Variants in DAB1 observed in about 807,000 individuals in gnomAD.
The protein encoded by DAB1 is DAB adaptor protein 1.
A neutral mutation model predicts 64.6 loss-of-function variants in DAB1; 15 were observed. The observed-to-expected ratio is 0.23, with a 90% CI of 0.16 to 0.36. The LOEUF (loss-of-function observed/expected upper bound fraction) is 0.36. Ranked by LOEUF, DAB1 falls within the 10% of genes least tolerant of loss-of-function variation. The pLI is 1.00. For missense variants in DAB1, 596 were observed against 706.7 expected (o/e 0.84, Z 1.78); for synonymous variants, 235 against 251.9 (o/e 0.93, Z 0.64).
chr1:58,009,950 A>G (rs188227006), intron 5 of DAB1, among the ~76,000 whole-genome samples: 6 of 152,312 alleles, frequency 3.9e-5, no homozygotes, highest in African/African-American at 1.4e-4. Flanking sequence ...TTTAACTTAC[A>G]TAACAACCCT....
intron 1 of DAB1, among the ~76,000 whole-genome samples, chr1:57,326,862 G>C (rs1239178329): frequency 6.6e-6 from 1 of 152,022 alleles, no homozygotes; most frequent in East Asian, 1.9e-4. Flanking sequence ...GGGGCTTAGG[G>C]CTTCAACACA....
intron 4 of DAB1, among the ~76,000 whole-genome samples, chr1:57,074,542 G>A (rs1007370475): frequency 6.6e-6 from 1 of 152,132 alleles, no homozygotes; most frequent in African/African-American, 2.4e-5. Context: ...TCCCTTGGCC[G>A]GATGCAATCT....
chr1:57,863,002 T>A (rs959359737), intron 1 of DAB1: 2 of 152,214 alleles, frequency 1.3e-5, no homozygotes, highest in Admixed American at 1.3e-4. Context: ...AGCTTTGTGA[T>A]AATTGCTAAA....
intron 1 of DAB1, among the ~76,000 whole-genome samples, chr1:57,833,617 T>G (rs994813262): frequency 5.3e-5 from 8 of 152,148 alleles, no homozygotes; most frequent in African/African-American, 1.9e-4. Context: ...AATGAGTGAG[T>G]GAGTTTGGTG....
chr1:58,038,931 A>G (rs1430781640), intron 5 of DAB1, among the ~76,000 whole-genome samples: 1 of 152,106 alleles, frequency 6.6e-6, no homozygotes, highest in African/African-American at 2.4e-5. Flanking sequence ...GGAGACCATC[A>G]TATGTACGTT....
chr1:57,081,303 G>A lies in DAB1; in HGVS notation c.307-8889C>T, dbSNP rs114441507. Among the ~76,000 whole-genome samples the A allele has an allele frequency of 3.7e-3, 565 of 152,236 alleles. 7 individuals carry two copies. The highest frequency in any genetic ancestry group is 0.013 in the African/African-American group (545 of 41,534). ...TCTTTGCACTTTGGGTCTTTTCCCT[G>A]GCAACTGAGTTTAAGGTTCTCAATC... On this transcript the variant is annotated intron_variant, in intron 4 of 14. Transcript: ENST00000371236.
intron 6 of DAB1, among the ~76,000 whole-genome samples, chr1:57,819,368 G>C (rs1652015637): frequency 6.6e-6 from 1 of 152,218 alleles, no homozygotes; most frequent in South Asian, 2.1e-4. Context: ...GGATATCCTG[G>C]TTAATCAAAC....
chr1:57,907,582 G>C (rs1569965846), intron 5 of DAB1, among the ~76,000 whole-genome samples: 1 of 152,122 alleles, frequency 6.6e-6, no homozygotes, highest in African/African-American at 2.4e-5. Context: ...CTATGAGATA[G>C]ATGCTCTTTC....
chr1:57,395,886 T>C (rs1682768639), intron 1 of DAB1, among the ~76,000 whole-genome samples: 1 of 152,212 alleles, frequency 6.6e-6, no homozygotes, highest in Non-Finnish European at 1.5e-5. Context: ...TTTTCCACTA[T>C]CAACCTCCGA....
chr1:58,171,076 C>T (rs1656147437), intron 4 of DAB1, among the ~76,000 whole-genome samples: 1 of 152,188 alleles, frequency 6.6e-6, no homozygotes, highest in Middle Eastern at 3.2e-3. Context: ...TTTCACATGC[C>T]TTTCTTGTTA....
intron 5 of DAB1, among the ~76,000 whole-genome samples, chr1:57,912,854 G>C (rs1473024042): frequency 2.6e-5 from 4 of 152,178 alleles, no homozygotes; most frequent in Non-Finnish European, 5.9e-5. Flanking sequence ...TTGCTTCAAA[G>C]AGACTAAAAT....
At chr1:57,913,287 C>T (rs1457831840) in intron 5 of DAB1, among the ~76,000 whole-genome samples, 1 of 152,036 alleles carries the variant, frequency 6.6e-6, no homozygotes, top group East Asian at 1.9e-4. Context: ...AGAAATAATG[C>T]CACACATCTA....
intron 5 of DAB1, among the ~76,000 whole-genome samples, chr1:57,998,552 C>T (rs763936159): frequency 2.4e-4 from 36 of 151,996 alleles, no homozygotes; most frequent in Non-Finnish European, 4.9e-4. Flanking sequence ...TTAGTAGAGA[C>T]GGGGTTTCAC....
At chr1:57,723,495 GA>G (rs1647174246) in intron 6 of DAB1, among the ~76,000 whole-genome samples, 1 of 152,200 alleles carries the variant, frequency 6.6e-6, no homozygotes, top group Non-Finnish European at 1.5e-5. Context: ...CCTTCACGAA[GA>G]CAACTTTGGG....
chr1:57,813,296 T>C (rs1009457337), intron 6 of DAB1, among the ~76,000 whole-genome samples: 2 of 152,236 alleles, frequency 1.3e-5, no homozygotes, highest in African/African-American at 4.8e-5. Context: ...TATAGAACAC[T>C]TGCATATCTT....
chr1:57,199,395 T>G (rs1215754235), intron 2 of DAB1, among the ~76,000 whole-genome samples: 2 of 152,118 alleles, frequency 1.3e-5, no homozygotes, highest in South Asian at 2.1e-4. Flanking sequence ...CAGAGAGAGG[T>G]GCAAACACCT....
intron 6 of DAB1, among the ~76,000 whole-genome samples, chr1:57,803,960 T>C (rs1261706227): frequency 1.3e-5 from 2 of 152,218 alleles, no homozygotes; most frequent in East Asian, 1.9e-4. Context: ...ATGTGCTGCA[T>C]GTAAAAAAGG....
At position 57,144,127 on chromosome 1, in the gene DAB1, G is replaced by A. The variant is rs963956467; in HGVS notation, c.207+1163C>T. Among the ~76,000 whole-genome samples the A allele has an allele frequency of 2.6e-5, 4 of 151,690 alleles. No homozygotes were observed. The South Asian group carries it at 8.3e-4, about 32-fold the overall frequency. On this transcript the variant is annotated intron_variant, in intron 3 of 14. Coordinates refer to ENST00000371236, the MANE Select transcript of DAB1 (RefSeq NM_001365792.1). ...ATATTGACACTGATTGTCTTTGTGG[G>A]ATTGTGGATTATTTCAGTTTTCTTC...
intron 7 of DAB1, among the ~76,000 whole-genome samples, chr1:57,606,934 G>A (rs1324601960): frequency 6.6e-6 from 1 of 150,906 alleles, no homozygotes; most frequent in Non-Finnish European, 1.5e-5. Context: ...ACAGGTGCCT[G>A]CCACCACGTC....
Sources: allele counts gnomAD v4.1 joint callset (sites outside exome capture counted in the v4.1 genomes callset), GRCh38; gene constraint gnomAD v4.1.1; transcripts MANE v1.5; gene names NCBI Gene and HGNC (gene_info 2026-07-23, HGNC 2026-07-21).